SIPA1L3: variants seen among roughly 807,000 people sequenced by gnomAD.
SIPA1L3 encodes the protein signal-induced proliferation-associated 1-like protein 3.
SIPA1L3 carries 59 observed loss-of-function variants against 150.1 expected under a neutral mutation model. That is an observed-to-expected ratio of 0.39 (90% CI 0.32 to 0.49). The LOEUF is 0.49. Ranked by LOEUF, SIPA1L3 falls within the 20% of genes least tolerant of loss-of-function variation. The probability of loss-of-function intolerance (pLI) is 0.86; values close to 1 mark genes in which losing one functional copy is unlikely to be tolerated. For synonymous variants in SIPA1L3, 1,070 were observed against 1,077.6 expected (o/e 0.99, Z 0.14); for missense variants, 2,211 against 2,489.5 (o/e 0.89, Z 2.38).
chr19:38,144,078 T>TC (rs1160057451), intron 12 of SIPA1L3, among the ~76,000 whole-genome samples: 2 of 152,016 alleles, frequency 1.3e-5, no homozygotes, highest in Non-Finnish European at 2.9e-5. Flanking sequence ...TCGCCCACAC[T>TC]CCCCCCATCC....
chr19:38,133,973 G>A (rs532993799), intron 10 of SIPA1L3, among the ~76,000 whole-genome samples: 36 of 151,826 alleles, frequency 2.4e-4, no homozygotes, highest in African/African-American at 7.2e-4. Context: ...GCAAGACCTC[G>A]CCACTACAAC....
chr19:38,162,301 G>A lies in SIPA1L3; in HGVS notation c.3710G>A (p.Gly1237Glu), dbSNP rs764236428. 1.2e-6 allele frequency: 2 copies of A among 1,614,150 alleles called. No individual in the cohort carries two copies. The highest frequency in any genetic ancestry group is 1.7e-6 in the Non-Finnish European group (2 of 1,180,054). The change falls in exon 14 of 22, where the codon GGA (glycine) becomes GAA (glutamate). Residue 1237 changes from glycine to glutamate, a missense_variant. Around this residue, in one of 5 missense-constraint regions of SIPA1L3, gnomAD observed 806 missense variants for 870.1 expected, o/e 0.93. Coordinates refer to ENST00000222345, the MANE Select transcript of SIPA1L3 (RefSeq NM_015073.3). ...CAGGCCAGGCTCTCAGCCATAGCCG[G>A]AAGCAGCGGGAACAAGCACCCGTCC... Reference protein sequence around the residue: ...PAQARLSAIAGSSGNKHPSRQ... With the variant: ...PAQARLSAIAESSGNKHPSRQ...
intron 1 of SIPA1L3, among the ~76,000 whole-genome samples, chr19:37,934,947 A>G (rs1003516285): frequency 7.9e-5 from 12 of 152,258 alleles, no homozygotes; most frequent in East Asian, 1.9e-4. Context: ...GACATCACTG[A>G]TAGGCATTCC....
chr19:38,128,511 G>T (rs796912854), intron 9 of SIPA1L3, among the ~76,000 whole-genome samples: 2 of 152,314 alleles, frequency 1.3e-5, no homozygotes, highest in African/African-American at 4.8e-5. Flanking sequence ...GTGTCTGTGG[G>T]CATGTGTGTA....
chr19:37,927,682 TG>T (rs2046517731), intron 1 of SIPA1L3, among the ~76,000 whole-genome samples: 2 of 150,312 alleles, frequency 1.3e-5, no homozygotes, highest in Non-Finnish European at 3.0e-5. Context: ...TGTGTGTGTG[TG>T]TGTGTGTGTA....
At chr19:38,129,785 G>A (rs532417852) in intron 9 of SIPA1L3, among the ~76,000 whole-genome samples, 3 of 152,174 alleles carry the variant, frequency 2.0e-5, no homozygotes, top group East Asian at 3.9e-4. Context: ...AAGCAGGTTT[G>A]GCTGGGTGTG....
Position 38,082,975 on chromosome 19 carries a change from C to T in SIPA1L3, c.1410C>T (p.Asn470=), listed in dbSNP as rs562685359. The T allele has an allele frequency of 5.6e-6, 9 of 1,613,174 alleles. No homozygotes were observed. Among genetic ancestry groups the T allele is most frequent in the Admixed American group, 3.3e-5 (2 of 60,026 alleles). ...CCGCCCTGAGCGCCTACCGCACCAA[C>T]GCCAGCATCTCGGTGTTGGAAGTTC... ...AEPALSAYRT[N]ASISVLEVPK... The change falls in exon 3 of 22, where the codon AAC becomes AAT. Residue 470 remains asparagine (N), a synonymous_variant. Transcript: ENST00000222345.
At position 38,047,906 on chromosome 19, in the gene SIPA1L3, T is replaced by A. The variant is rs1408108062; in HGVS notation, c.-311+18750T>A. 6.6e-6 allele frequency among the ~76,000 whole-genome samples: 1 copy of A among 152,126 alleles called. No homozygotes were observed. The highest frequency in any genetic ancestry group is 1.5e-5 in the Non-Finnish European group (1 of 68,034). On this transcript the variant is annotated intron_variant, in intron 2 of 21. Transcript: ENST00000222345. This position sits in a 1 kb window ranked among gnomAD's most constrained non-coding sequence, Gnocchi z 4.7. ...TCAGCTGGGGATTAACCCCCTGCCG[T>A]CATCAGGAGAAATACAACATGGGAA... is the stretch of plus-strand genomic sequence containing the variant.
intron 2 of SIPA1L3, among the ~76,000 whole-genome samples, chr19:38,068,907 A>G (rs1401806305): frequency 6.6e-6 from 1 of 152,196 alleles, no homozygotes; most frequent in Admixed American, 6.5e-5. Context: ...TACTTGATAC[A>G]GTTGTTAGAA....
intron 2 of SIPA1L3, among the ~76,000 whole-genome samples, chr19:38,040,161 CAT>C (rs1478849376): frequency 2.6e-5 from 4 of 152,200 alleles, no homozygotes; most frequent in African/African-American, 4.8e-5. Flanking sequence ...TATCCTCTCA[CAT>C]GTCATAAAAC....
At chr19:37,965,318 T>G (rs1213311258) in intron 1 of SIPA1L3, among the ~76,000 whole-genome samples, 1 of 61,218 alleles carries the variant, frequency 1.6e-5, no homozygotes, top group South Asian at 5.4e-4. Context: ...ATATTTCTAG[T>G]TTTTTTTTTT....
At chr19:37,958,127 A>G (rs894594916) in intron 1 of SIPA1L3, among the ~76,000 whole-genome samples, 1 of 152,222 alleles carries the variant, frequency 6.6e-6, no homozygotes, top group Admixed American at 6.5e-5. Context: ...CAGTCTCACA[A>G]GAAGTTGCAA....
chr19:38,153,669 CAA>C (rs11309008), intron 13 of SIPA1L3, among the ~76,000 whole-genome samples: 148 of 115,200 alleles, frequency 1.3e-3, no homozygotes, highest in Non-Finnish European at 1.2e-3. Flanking sequence ...GATTCTGTCT[CAA>C]AAAAAAAAAA....
chr19:38,137,407 T>C (rs1159374867), intron 10 of SIPA1L3, among the ~76,000 whole-genome samples: 1 of 152,100 alleles, frequency 6.6e-6, no homozygotes, highest in East Asian at 1.9e-4. Context: ...CAAGCTGGTC[T>C]TTAACTCCTG....
intron 1 of SIPA1L3, among the ~76,000 whole-genome samples, chr19:37,973,630 T>G (rs1967001171): frequency 7.0e-6 from 1 of 143,846 alleles, no homozygotes; most frequent in Non-Finnish European, 1.5e-5. Context: ...GACGAAGAAC[T>G]GAGGCTGCCT....
At position 38,193,791 on chromosome 19, in the gene SIPA1L3, GC is replaced by G. The variant is rs1339107045; in HGVS notation, c.4840+16del. On this transcript the variant is annotated intron_variant, in intron 18 of 21. Transcript: ENST00000222345. Reference sequence around the variant, plus strand: ...TTCCCGAGAAGAAATGTGAGCCTGGGCCCCCTGGGACTGGCGCGGTAGTTAC... The same window carrying G: ...TTCCCGAGAAGAAATGTGAGCCTGGGCCCCTGGGACTGGCGCGGTAGTTAC... 5 of 1,558,750 alleles carry G rather than the reference GC, an allele frequency of 3.2e-6. No homozygotes were observed. The highest frequency in any genetic ancestry group is 1.8e-5 in the Admixed American group (1 of 54,470).
At chr19:38,070,304 G>A (rs1299865387) in intron 2 of SIPA1L3, among the ~76,000 whole-genome samples, 1 of 151,904 alleles carries the variant, frequency 6.6e-6, no homozygotes, top group Non-Finnish European at 1.5e-5. Context: ...TGACCTCCTG[G>A]GCTCAAGCGA....
chr19:38,025,640 T>TA (rs1375529445), intron 1 of SIPA1L3, among the ~76,000 whole-genome samples: 5 of 152,156 alleles, frequency 3.3e-5, no homozygotes, highest in African/African-American at 1.2e-4. Flanking sequence ...GGAGAAAAAT[T>TA]AGAGTGGCGG....
intron 1 of SIPA1L3, among the ~76,000 whole-genome samples, chr19:37,912,176 G>A (rs1229153829): frequency 6.6e-6 from 1 of 151,998 alleles, no homozygotes; most frequent in Non-Finnish European, 1.5e-5. Flanking sequence ...GGTGGAGGGT[G>A]CAGTGAGCCG....
Sources: allele counts gnomAD v4.1 joint callset (sites outside exome capture counted in the v4.1 genomes callset), GRCh38; gene constraint gnomAD v4.1.1; regional missense constraint gnomAD v4.1.1; non-coding constraint Gnocchi (gnomAD v3.1); transcripts MANE v1.5; gene names NCBI Gene and HGNC (gene_info 2026-07-23, HGNC 2026-07-21).